The following TBK1 variants were observed in gnomAD, a reference collection of about 807,000 sequenced individuals.
The protein encoded by TBK1 is serine/threonine-protein kinase TBK1.
In TBK1, 37 loss-of-function variants were observed where a neutral mutation model predicts 99.9. The ratio of observed to expected loss-of-function variants is 0.37; its 90% CI spans 0.28 to 0.49. The LOEUF (loss-of-function observed/expected upper bound fraction) is 0.49. Ranked by LOEUF, TBK1 falls within the 20% of genes least tolerant of loss-of-function variation. TBK1 has a pLI of 0.98. For missense variants in TBK1, 644 were observed against 872.5 expected (o/e 0.74, Z 3.30); for synonymous variants, 258 against 279.8 (o/e 0.92, Z 0.78).
chr12:64,493,899 A>G (rs759945828), intron 13 of TBK1, among the ~76,000 whole-genome samples: 10 of 152,134 alleles, frequency 6.6e-5, no homozygotes, highest in Non-Finnish European at 1.5e-4. Context: ...CTTTTTGGAT[A>G]CCATTATAGT....
chr12:64,468,659 A>G (rs2040630665), intron 5 of TBK1, among the ~76,000 whole-genome samples: 1 of 152,204 alleles, frequency 6.6e-6, no homozygotes, highest in African/African-American at 2.4e-5. Flanking sequence ...GTAGGGAAAA[A>G]AGACAATTAA....
intron 4 of TBK1, among the ~76,000 whole-genome samples, chr12:64,465,376 T>C (rs1280863151): frequency 6.6e-6 from 1 of 150,688 alleles, no homozygotes; most frequent in Non-Finnish European, 1.5e-5. Context: ...AAGTTAAATA[T>C]AGAATTATTT....
chr12:64,465,242 C>CAAAAAAAA lies in TBK1; in HGVS notation c.358+794_358+801dup, dbSNP rs57575805. On this transcript the variant is annotated intron_variant, in intron 4 of 20. Transcript: ENST00000331710. The stretch of plus-strand genomic sequence containing the variant: ...CCTGGGCAACAAAGCAAGACTATCT[C>CAAAAAAAA]AAAAAAAAAAAAAAAAAAAAAACAA... 2.3e-3 allele frequency among the ~76,000 whole-genome samples: 133 copies of CAAAAAAAA among 57,808 alleles called. 1 individual carries two copies. The highest frequency in any genetic ancestry group is 4.9e-3 in the East Asian group (9 of 1,836). The allele number at this position is 57,808 out of a possible 152,430, so 37.9% of individuals were successfully genotyped here.
intron 11 of TBK1, 122 bp downstream of exon 11, chr12:64,486,139 A>G (rs2040818249): frequency 3.4e-6 from 2 of 580,040 alleles, no homozygotes; most frequent in African/African-American, 1.9e-5. Flanking sequence ...CATTTGTTTC[A>G]CATTTAGTTT....
chr12:64,498,170 C>T, intron 20 of TBK1, 131 bp downstream of exon 20: 1 of 725,102 alleles, frequency 1.4e-6, no homozygotes, highest in Non-Finnish European at 2.3e-6. Flanking sequence ...ATGTTTTTCT[C>T]TCTATGATTG....
At chr12:64,454,996 T>C (rs1359640766) in intron 1 of TBK1, among the ~76,000 whole-genome samples, 146 of 149,492 alleles carry the variant, frequency 9.8e-4, no homozygotes, top group African/African-American at 3.2e-3. Context: ...TTTTTCTTTT[T>C]TTTTTTTTTG....
At chr12:64,469,858 C>T (rs1592359986) in intron 5 of TBK1, among the ~76,000 whole-genome samples, 1 of 152,056 alleles carries the variant, frequency 6.6e-6, no homozygotes, top group Non-Finnish European at 1.5e-5. Context: ...GTTCACCAGG[C>T]CCAGCTCCTT....
At chr12:64,456,419 G>A (rs976418438) in intron 2 of TBK1, among the ~76,000 whole-genome samples, 8 of 152,172 alleles carry the variant, frequency 5.3e-5, no homozygotes, top group African/African-American at 1.9e-4. Context: ...CTACAAAGTA[G>A]ATTGGAGTAA....
chr12:64,494,558 G>A (rs545772828), intron 13 of TBK1, among the ~76,000 whole-genome samples: 59 of 151,884 alleles, frequency 3.9e-4, no homozygotes, highest in African/African-American at 1.2e-3. Context: ...TGTGATAAAG[G>A]GTTTTTTATA....
intron 18 of TBK1, 24 bp from the exon 19 acceptor site, chr12:64,497,624 T>TC (rs1565824946): frequency 9.6e-6 from 12 of 1,254,814 alleles, no homozygotes; most frequent in South Asian, 1.6e-5. Context: ...TTTTTTTCTT[T>TC]TTTTTTTTTT....
At chr12:64,464,819 G>A (rs145083310) in intron 4 of TBK1, among the ~76,000 whole-genome samples, 93 of 152,162 alleles carry the variant, frequency 6.1e-4, no homozygotes, top group African/African-American at 2.2e-3. Context: ...AGATACACAA[G>A]TGGCTAACAA....
chr12:64,479,832 G>T (rs2040750470), intron 6 of TBK1, among the ~76,000 whole-genome samples, 180 bp from the exon 7 acceptor site: 2 of 152,218 alleles, frequency 1.3e-5, no homozygotes, highest in South Asian at 4.1e-4. Flanking sequence ...AACCACTATT[G>T]TACTTCAGTC....
intron 8 of TBK1, chr12:64,484,048 C>T: frequency 4.3e-6 from 1 of 232,974 alleles, no homozygotes; most frequent in Non-Finnish European, 8.4e-6. Context: ...CACACACACA[C>T]AGAGGAAAGA....
intron 13 of TBK1, 53 bp from the exon 14 acceptor site, chr12:64,495,430 A>G: frequency 6.3e-7 from 1 of 1,597,556 alleles, no homozygotes; most frequent in Non-Finnish European, 8.5e-7. Flanking sequence ...TGGGACTGTG[A>G]TGATCATTTC....
intron 6 of TBK1, among the ~76,000 whole-genome samples, chr12:64,475,717 A>G (rs1470350700): frequency 6.6e-6 from 1 of 152,218 alleles, no homozygotes; most frequent in Non-Finnish European, 1.5e-5. Context: ...ATGGCTGCAT[A>G]GTATTCTACA....
chr12:64,498,690 T>A (rs2040954908), intron 20 of TBK1, among the ~76,000 whole-genome samples: 1 of 152,192 alleles, frequency 6.6e-6, no homozygotes, highest in African/African-American at 2.4e-5. Context: ...GCACGGTGGC[T>A]CACACCTGTA....
At chr12:64,479,342 G>A (rs61933200) in intron 6 of TBK1, among the ~76,000 whole-genome samples, 22,268 of 151,982 alleles carry the variant, frequency 0.15, 1,947 homozygotes, top group African/African-American at 0.23. Flanking sequence ...TATTTTTCAC[G>A]TTAATTTCCT....
intron 5 of TBK1, 68 bp downstream of exon 5, chr12:64,467,150 T>G: frequency 8.1e-7 from 1 of 1,240,928 alleles, no homozygotes; most frequent in South Asian, 2.0e-5. Context: ...ATTGGGTAAT[T>G]GGTCAGCCAA....
In TBK1 at chr12:64,455,934, A is replaced by G. The variant is rs576726084; in HGVS notation, c.64A>G (p.Asn22Asp). 9.3e-6 allele frequency: 15 copies of G among 1,613,700 alleles called. No homozygotes were observed. Among genetic ancestry groups the G allele is most frequent in the African/African-American group, 1.3e-5 (1 of 74,916 alleles). ...SDILGQGATA[N>D]VFRGRHKKTG... ...TATTTTAGGCCAAGGAGCTACTGCA[A>G]ATGTCTTTCGTGGAAGACATAAGGT... The change falls in exon 2 of 21, where the codon AAT (asparagine) becomes GAT (aspartate). Residue 22 changes from asparagine to aspartate, a missense_variant. Asn to Asp is a conservative substitution (Grantham distance 23). This residue lies in a region of TBK1 where 148 missense variants were observed against 202.1 expected (regional missense o/e 0.73). Coordinates refer to ENST00000331710, the MANE Select transcript of TBK1 (RefSeq NM_013254.4).
Sources: gnomAD v4.1 joint callset for allele counts (sites outside exome capture counted in the v4.1 genomes callset) on GRCh38, gnomAD v4.1.1 for gene constraint, gnomAD v4.1.1 regional missense constraint, MANE v1.5 for transcripts, NCBI Gene and HGNC (gene_info 2026-07-23, HGNC 2026-07-21) for gene names.